The following VWC2L variants were observed in gnomAD, a reference collection of about 807,000 sequenced individuals.
The protein encoded by VWC2L is von Willebrand factor C domain-containing protein 2-like.
Under a neutral mutation model 21.6 loss-of-function variants are expected in VWC2L, and 10 were observed. The observed-to-expected ratio is 0.46, with a 90% CI of 0.29 to 0.78. VWC2L has a LOEUF of 0.78. VWC2L is among the 30% of genes least tolerant of loss of function. The pLI is 0.10. For synonymous variants in VWC2L, 96 were observed against 94.3 expected (o/e 1.02, Z -0.10); for missense variants, 209 against 277.1 (o/e 0.75, Z 1.74).
At chr2:214,500,742 GGAGA>G (rs1361629519) in intron 3 of VWC2L, among the ~76,000 whole-genome samples, 1 of 152,212 alleles carries the variant, frequency 6.6e-6, no homozygotes, top group Non-Finnish European at 1.5e-5. Flanking sequence ...TAAGAATGAA[GGAGA>G]GAATCAGTAT....
intron 3 of VWC2L, among the ~76,000 whole-genome samples, chr2:214,514,072 ACT>A (rs1244194960): frequency 1.3e-5 from 2 of 151,800 alleles, no homozygotes; most frequent in Non-Finnish European, 2.9e-5. Context: ...ATATACACAC[ACT>A]CATGCAAACG....
chr2:214,565,248 A>T (rs1033297332), intron 3 of VWC2L, among the ~76,000 whole-genome samples: 8 of 152,174 alleles, frequency 5.3e-5, no homozygotes, highest in Non-Finnish European at 1.0e-4. Context: ...CTCTACATAA[A>T]TAGATTGAAA....
chr2:214,477,250 A>G (rs1198289435), intron 3 of VWC2L, among the ~76,000 whole-genome samples: 1 of 152,218 alleles, frequency 6.6e-6, no homozygotes, highest in Non-Finnish European at 1.5e-5. Context: ...ACTATCCTAT[A>G]GCAATGTTGG....
intron 3 of VWC2L, among the ~76,000 whole-genome samples, chr2:214,470,212 C>CT (rs35595784): frequency 0.014 from 1,976 of 143,406 alleles, 43 homozygotes; most frequent in African/African-American, 0.045. Flanking sequence ...TTGATAAATG[C>CT]TTTTTTTTTT....
rs182345982 is a variant in VWC2L at position 214,441,296 on chromosome 2, A to G, written c.520+4538A>G. Among the ~76,000 whole-genome samples the G allele has an allele frequency of 2.7e-3, 408 of 152,318 alleles. 2 individuals are homozygous for G. Among genetic ancestry groups the G allele is most frequent in the Non-Finnish European group, 4.9e-3 (336 of 68,022 alleles). On this transcript the variant is annotated intron_variant, in intron 3 of 3. Coordinates refer to ENST00000312504, the MANE Select transcript of VWC2L (RefSeq NM_001080500.4). ...AATTGTTAATATATCTAATACACAA[A>G]GAGCTCCTTAAAATAAATAAGAAAG...
intron 3 of VWC2L, among the ~76,000 whole-genome samples, chr2:214,541,136 G>T (rs1005978901): frequency 3.9e-5 from 6 of 152,312 alleles, no homozygotes; most frequent in Middle Eastern, 3.4e-3. Flanking sequence ...GTAGGATGCT[G>T]TAAGAGATGA....
chr2:214,552,265 C>G (rs1021928099), intron 3 of VWC2L, among the ~76,000 whole-genome samples: 3 of 152,320 alleles, frequency 2.0e-5, no homozygotes, highest in Middle Eastern at 6.8e-3. Context: ...GAAAAATAGG[C>G]CTTAGAAGTT....
At chr2:214,472,674 G>C (rs1332188843) in intron 3 of VWC2L, among the ~76,000 whole-genome samples, 1 of 152,180 alleles carries the variant, frequency 6.6e-6, no homozygotes, top group Non-Finnish European at 1.5e-5. Context: ...CAATAGATTG[G>C]CATAGCATGT....
intron 3 of VWC2L, among the ~76,000 whole-genome samples, chr2:214,571,808 T>A (rs143430823): frequency 8.5e-5 from 13 of 152,194 alleles, no homozygotes; most frequent in Non-Finnish European, 1.0e-4. Flanking sequence ...CTCTCTCGAT[T>A]CAGGGGCTCC....
In VWC2L at chr2:214,499,636, G is replaced by A. The variant is rs77265817; in HGVS notation, c.520+62878G>A. On this transcript the variant is annotated intron_variant, in intron 3 of 3. Transcript: ENST00000312504. ...CCTGCACGTTGTGCATATGTACCTA[G>A]AACTTAAAGTATGATTTAAAAAATT... Among the ~76,000 whole-genome samples, 508 of 152,186 alleles carry A rather than the reference G, an allele frequency of 3.3e-3. 2 individuals are homozygous for A. The highest frequency in any genetic ancestry group is 0.012 in the African/African-American group (493 of 41,514).
At chr2:214,546,308 T>C (rs183739207) in intron 3 of VWC2L, among the ~76,000 whole-genome samples, 319 of 152,296 alleles carry the variant, frequency 2.1e-3, no homozygotes, top group Non-Finnish European at 4.0e-3. Flanking sequence ...TTGATTTCCA[T>C]ATGCTCATTG....
chr2:214,418,768 T>C (rs1702392750), intron 2 of VWC2L, among the ~76,000 whole-genome samples: 1 of 152,122 alleles, frequency 6.6e-6, no homozygotes, highest in Non-Finnish European at 1.5e-5. Flanking sequence ...ATCTCTTCAT[T>C]TTAATTAAAG....
At chr2:214,465,701 AAGT>A (rs1160902667) in intron 3 of VWC2L, among the ~76,000 whole-genome samples, 2 of 152,094 alleles carry the variant, frequency 1.3e-5, no homozygotes, top group African/African-American at 2.4e-5. Flanking sequence ...CCAGGAATTG[AAGT>A]CCTTGTGGCC....
At chr2:214,440,410 T>C (rs994273303) in intron 3 of VWC2L, among the ~76,000 whole-genome samples, 10 of 152,066 alleles carry the variant, frequency 6.6e-5, no homozygotes. Flanking sequence ...CTGTTTTTCT[T>C]TCCCTGAGAT....
At chr2:214,468,736 A>G (rs144550484) in intron 3 of VWC2L, among the ~76,000 whole-genome samples, 33 of 152,314 alleles carry the variant, frequency 2.2e-4, no homozygotes, top group African/African-American at 7.7e-4. Context: ...AGAGATGCAG[A>G]CAATCAAAGG....
At chr2:214,426,120 C>T (rs866445618) in intron 2 of VWC2L, among the ~76,000 whole-genome samples, 1 of 137,142 alleles carries the variant, frequency 7.3e-6, no homozygotes, top group Admixed American at 8.8e-5. Context: ...TTCAGTGAGC[C>T]GAGTTCTGGC....
At chr2:214,516,617 A>T (rs1689147506) in intron 3 of VWC2L, among the ~76,000 whole-genome samples, 1 of 151,750 alleles carries the variant, frequency 6.6e-6, no homozygotes, top group African/African-American at 2.4e-5. Context: ...GCTTATCGTT[A>T]AGCAAAATTG....
chr2:214,554,578 G>A (rs752102401), intron 3 of VWC2L, among the ~76,000 whole-genome samples: 6 of 152,080 alleles, frequency 3.9e-5, no homozygotes, highest in Non-Finnish European at 7.4e-5. Context: ...CAGGAGAATC[G>A]CTTGAACCCA....
rs1690268501 is a variant in VWC2L at position 214,578,572 on chromosome 2, T to G, written c.*2752T>G. 1 of 152,204 alleles carries G rather than the reference T, an allele frequency of 6.6e-6. No individual in the cohort carries two copies. Among genetic ancestry groups the G allele is most frequent in the South Asian group, 2.1e-4 (1 of 4,832 alleles). 9.4% of individuals were successfully genotyped at this position (152,204 alleles called of 1,614,324 possible). ...TATACTGTGACAATTTCTCATAAAC[T>G]GATAAACATTTTACAACTTCCTTCT... On this transcript the variant is annotated 3_prime_UTR_variant, in exon 4 of 4. Transcript: ENST00000312504.
Sources: allele counts gnomAD v4.1 joint callset (sites outside exome capture counted in the v4.1 genomes callset), GRCh38; gene constraint gnomAD v4.1.1; transcripts MANE v1.5; gene names NCBI Gene and HGNC (gene_info 2026-07-23, HGNC 2026-07-21).